Variants in PAX5 observed in about 807,000 individuals in gnomAD.
PAX5 encodes the protein paired box protein Pax-5.
In PAX5, 9 loss-of-function variants were observed where a neutral mutation model predicts 43.7. The observed-to-expected ratio is 0.21, with a 90% CI of 0.12 to 0.36. PAX5 has a LOEUF of 0.36. Among genes scored for constraint, PAX5 ranks in the 10% least tolerant of loss-of-function variants. PAX5 has a pLI of 1.00. For synonymous variants in PAX5, 228 were observed against 214.3 expected, an observed-to-expected ratio of 1.06 and a Z score of -0.56; for missense variants, 383 against 532.7, an observed-to-expected ratio of 0.72 and a Z score of 2.77.
chr9:36,868,253 G>A (rs1177205629), intron 8 of PAX5, among the ~76,000 whole-genome samples: 1 of 152,220 alleles, frequency 6.6e-6, no homozygotes, highest in East Asian at 1.9e-4. Context: ...TCTGGACCGG[G>A]CAAGATGGGG....
At chr9:37,001,810 CTTTTTTTTTT>C (rs3073720) in intron 5 of PAX5, among the ~76,000 whole-genome samples, 24 of 87,992 alleles carry the variant, frequency 2.7e-4, no homozygotes, top group African/African-American at 9.0e-5. Flanking sequence ...ACAGCTCTGG[CTTTTTTTTTT>C]TTTTTTTTTT....
intron 5 of PAX5, among the ~76,000 whole-genome samples, chr9:37,001,971 C>T (rs1323241874): frequency 6.6e-6 from 1 of 152,006 alleles, no homozygotes; most frequent in Admixed American, 6.5e-5. Flanking sequence ...ATGGAGGTGG[C>T]TGGCTCTGGA....
In PAX5 at chr9:36,982,603, A is replaced by C. The variant is rs777087763; in HGVS notation, c.605-15879T>G. Among the ~76,000 whole-genome samples, 24 of 152,210 alleles carry C rather than the reference A, an allele frequency of 1.6e-4. 1 individual carries two copies. Among genetic ancestry groups the C allele is most frequent in the Non-Finnish European group, 3.5e-4 (24 of 68,040 alleles). On this transcript the variant is annotated intron_variant, in intron 5 of 9. Transcript: ENST00000358127. Reference sequence around the variant, plus strand: ...CCTTCTCCTGGAAGGAGAAGGTGGCATCTGAGCCAGGATTTGGATTTGGGG... The same window carrying C: ...CCTTCTCCTGGAAGGAGAAGGTGGCCTCTGAGCCAGGATTTGGATTTGGGG...
chr9:37,024,716 C>G (rs1296994149), intron 1 of PAX5, among the ~76,000 whole-genome samples: 1 of 152,166 alleles, frequency 6.6e-6, no homozygotes, highest in Admixed American at 6.5e-5. Context: ...GAAGGCCGGA[C>G]AAGGAGGCAC....
chr9:36,842,827 A>C, intron 9 of PAX5, among the ~76,000 whole-genome samples: 1 of 152,118 alleles, frequency 6.6e-6, no homozygotes, highest in East Asian at 1.9e-4. Context: ...GCTGAGTCAC[A>C]GTTGCCCTGG....
chr9:36,851,499 A>G (rs567139074), intron 8 of PAX5, among the ~76,000 whole-genome samples: 1 of 152,334 alleles, frequency 6.6e-6, no homozygotes, highest in African/African-American at 2.4e-5. Flanking sequence ...AAGTGGCTGA[A>G]GAATGTCCCG....
At chr9:36,863,439 T>C (rs1241794460) in intron 8 of PAX5, among the ~76,000 whole-genome samples, 1 of 152,124 alleles carries the variant, frequency 6.6e-6, no homozygotes, top group East Asian at 1.9e-4. Context: ...TCAACTTACA[T>C]TTATTTAGTG....
At chr9:37,006,451 T>G in intron 4 of PAX5, 22 bp downstream of exon 4, 3 of 1,592,926 alleles carry the variant, frequency 1.9e-6, no homozygotes, top group Non-Finnish European at 2.6e-6. Context: ...ATTTTTAAAT[T>G]TTTTTTAAAA....
chr9:36,878,751 G>A (rs551354766), intron 8 of PAX5, among the ~76,000 whole-genome samples: 54 of 152,310 alleles, frequency 3.5e-4, no homozygotes, highest in African/African-American at 1.3e-3. Context: ...AATGTCCACA[G>A]GCCACCCAAG....
Position 37,015,264 on chromosome 9 carries a change from G to A in PAX5, c.213-70C>T, listed in dbSNP as rs1839294206. 7.3e-7 allele frequency: 1 copy of A among 1,378,322 alleles called. No homozygotes were observed. The highest frequency in any genetic ancestry group is 1.4e-5 in the African/African-American group (1 of 69,962). 85.4% of individuals were successfully genotyped at this position (1,378,322 alleles called of 1,614,324 possible). A position where few individuals can be genotyped will look rare whatever the true frequency, so the allele number is the denominator to read the frequency against. On this transcript the variant is annotated intron_variant, in intron 2 of 9. Coordinates refer to ENST00000358127, the MANE Select transcript of PAX5 (RefSeq NM_016734.3). This position sits in a 1 kb window ranked among gnomAD's most constrained non-coding sequence, Gnocchi z 4.4. The stretch of plus-strand genomic sequence containing the variant: ...AGTGGATATTGGCAACAAAATAACG[G>A]GCTACTCTGGCCAGGAAACGTCCGG...
intron 6 of PAX5, among the ~76,000 whole-genome samples, chr9:36,964,611 A>G (rs1210631661): frequency 2.0e-5 from 3 of 151,676 alleles, no homozygotes; most frequent in African/African-American, 4.8e-5. Context: ...AAAAAAAAAA[A>G]GAAGATAAAC....
chr9:36,852,871 T>C (rs896807602), intron 8 of PAX5, among the ~76,000 whole-genome samples: 1 of 152,204 alleles, frequency 6.6e-6, no homozygotes, highest in African/African-American at 2.4e-5. Context: ...CCTGGGACCC[T>C]GGCCTATATT....
intron 6 of PAX5, among the ~76,000 whole-genome samples, chr9:36,942,177 A>G (rs1773602491): frequency 6.6e-6 from 1 of 152,190 alleles, no homozygotes; most frequent in Non-Finnish European, 1.5e-5. Flanking sequence ...GGTCAGGCCT[A>G]TAACTCTAGG....
intron 5 of PAX5, among the ~76,000 whole-genome samples, chr9:36,973,780 C>T (rs1835185702): frequency 1.3e-5 from 2 of 152,020 alleles, no homozygotes; most frequent in East Asian, 1.9e-4. Flanking sequence ...CCAAGGCAGG[C>T]GGATCACCTG....
At chr9:36,902,441 T>C (rs1157759780) in intron 7 of PAX5, among the ~76,000 whole-genome samples, 1 of 152,070 alleles carries the variant, frequency 6.6e-6, no homozygotes, top group Non-Finnish European at 1.5e-5. Context: ...CGAAGGAAGA[T>C]TGAACAGGAA....
chr9:36,968,622 C>T (rs1395629687), intron 5 of PAX5, among the ~76,000 whole-genome samples: 1 of 152,282 alleles, frequency 6.6e-6, no homozygotes, highest in South Asian at 2.1e-4. Context: ...CACATGTGGG[C>T]CAAGGCAGAA....
At chr9:36,864,552 C>T (rs1005177174) in intron 8 of PAX5, among the ~76,000 whole-genome samples, 4 of 152,232 alleles carry the variant, frequency 2.6e-5, no homozygotes, top group Non-Finnish European at 5.9e-5. Context: ...GTGCCCCAGC[C>T]GGACCCTGAG....
At chr9:36,927,515 T>A (rs1291158039) in intron 6 of PAX5, among the ~76,000 whole-genome samples, 1 of 152,196 alleles carries the variant, frequency 6.6e-6, no homozygotes, top group East Asian at 1.9e-4. Context: ...TAGGTTTGGA[T>A]CATCTTTTTA....
In PAX5 at chr9:36,834,207, C is replaced by A. The variant is rs932113427; in HGVS notation, c.*6353G>T. The A allele has an allele frequency of 8.6e-6, 2 of 233,208 alleles. No individual in the cohort carries two copies. The highest frequency in any genetic ancestry group is 1.7e-5 in the Non-Finnish European group (2 of 118,080). 14.4% of individuals were successfully genotyped at this position (233,208 alleles called of 1,614,324 possible). On this transcript the variant is annotated 3_prime_UTR_variant, in exon 10 of 10. Transcript: ENST00000358127. Reference sequence around the variant, plus strand: ...GGGCTGAGAAGTGGGGCCCAGGCAACGCCAGGCCCTCACTGCCCGCCACCC... The same window carrying A: ...GGGCTGAGAAGTGGGGCCCAGGCAAAGCCAGGCCCTCACTGCCCGCCACCC...
Sources: allele counts gnomAD v4.1 joint callset (sites outside exome capture counted in the v4.1 genomes callset), GRCh38; gene constraint gnomAD v4.1.1; non-coding constraint Gnocchi (gnomAD v3.1); transcripts MANE v1.5; gene names NCBI Gene and HGNC (gene_info 2026-07-23, HGNC 2026-07-21).